Variants in CCDC6 observed in about 807,000 individuals in gnomAD.
CCDC6 encodes the protein coiled-coil domain containing 6, also known as coiled-coil domain-containing protein 6.
In CCDC6, 20 loss-of-function variants were observed where a neutral mutation model predicts 56.6. The ratio of observed to expected loss-of-function variants is 0.35; its 90% confidence interval spans 0.25 to 0.51. The LOEUF is 0.51. CCDC6 is among the 20% of genes least tolerant of loss of function. The pLI is 0.95. For missense variants in CCDC6, 367 were observed against 601.1 expected (o/e 0.61, Z 4.07); for synonymous variants, 241 against 234.4 (o/e 1.03, Z -0.26).
chr10:59,791,533 T>A lies in CCDC6; in HGVS notation c.*1384A>T, dbSNP rs1292239585. The A allele has an allele frequency of 5.1e-6, 1 of 195,280 alleles. No homozygotes were observed. Among genetic ancestry groups the A allele is most frequent in the Non-Finnish European group, 1.1e-5 (1 of 93,722 alleles). 12.1% of individuals were successfully genotyped at this position (195,280 alleles called of 1,614,324 possible). ...GTCACAAAACATGGACTCTTAAAAA[T>A]TACTGATAAATTACTTTTCAGTTCT... On this transcript the variant is annotated 3_prime_UTR_variant, in exon 9 of 9. Coordinates refer to ENST00000263102, the MANE Select transcript of CCDC6 (RefSeq NM_005436.5).
intron 1 of CCDC6, among the ~76,000 whole-genome samples, chr10:59,867,987 GTGTACCACAAACAAGCTGTAC>G (rs1351245684): frequency 6.6e-5 from 10 of 152,290 alleles, no homozygotes; most frequent in African/African-American, 2.4e-4. Context: ...TTTCCCTAAA[GTGTACCACAAACAAGCTGTAC>G]CACCTTGAGC....
chr10:59,862,046 G>A (rs903143256), intron 1 of CCDC6, among the ~76,000 whole-genome samples: 5 of 152,030 alleles, frequency 3.3e-5, no homozygotes, highest in Admixed American at 1.3e-4. Context: ...AGAGAAAATC[G>A]AAGACAAAAG....
chr10:59,845,578 T>G lies in CCDC6; in HGVS notation c.453+6975A>C, dbSNP rs7083218. Among the ~76,000 whole-genome samples the G allele has an allele frequency of 8.4e-3, 1,280 of 152,316 alleles. 17 individuals are homozygous for G. The highest frequency in any genetic ancestry group is 0.029 in the African/African-American group (1,206 of 41,562). On this transcript the variant is annotated intron_variant, in intron 2 of 8. Coordinates refer to ENST00000263102, the MANE Select transcript of CCDC6 (RefSeq NM_005436.5). ...AATTTGGCCACTGGTGGCTGTAGCA[T>G]AAAATGCATTAAAAACAACTCAGTA...
chr10:59,851,075 T>C (rs1479742981), intron 2 of CCDC6, among the ~76,000 whole-genome samples: 1 of 148,598 alleles, frequency 6.7e-6, no homozygotes, highest in Non-Finnish European at 1.5e-5. Context: ...TGGCGAGGTC[T>C]TGACTGTCCT....
At chr10:59,899,382 A>G (rs2071487597) in intron 1 of CCDC6, among the ~76,000 whole-genome samples, 2 of 152,242 alleles carry the variant, frequency 1.3e-5, no homozygotes, top group African/African-American at 4.8e-5. Flanking sequence ...ACTCAGCCTG[A>G]CTGCAGTTCA....
chr10:59,862,516 T>TACACACACACAC (rs60162547), intron 1 of CCDC6, among the ~76,000 whole-genome samples: 3 of 97,204 alleles, frequency 3.1e-5, no homozygotes, highest in Non-Finnish European at 5.7e-5. Flanking sequence ...TATATATATA[T>TACACACACACAC]ACACACACAC....
chr10:59,837,616 T>C (rs147735561), intron 2 of CCDC6, among the ~76,000 whole-genome samples: 2,162 of 151,838 alleles, frequency 0.014, 60 homozygotes, highest in African/African-American at 0.05. Flanking sequence ...CGTGGTGGCA[T>C]GTGCCTGTAG....
At chr10:59,828,896 T>C (rs1195928461) in intron 3 of CCDC6, among the ~76,000 whole-genome samples, 1 of 152,200 alleles carries the variant, frequency 6.6e-6, no homozygotes, top group African/African-American at 2.4e-5. Context: ...GGGAAAAAGG[T>C]AGTCTTCCCA....
chr10:59,891,756 C>A (rs540294999), intron 1 of CCDC6, among the ~76,000 whole-genome samples: 17 of 150,482 alleles, frequency 1.1e-4, no homozygotes, highest in South Asian at 2.1e-4. Context: ...GAAGGGCAGT[C>A]TTGAGCTTAC....
At position 59,792,946 on chromosome 10, in the gene CCDC6, G is replaced by A. The variant is rs762005675; in HGVS notation, c.1396C>T (p.His466Tyr). 6 of 1,611,248 alleles carry A rather than the reference G, an allele frequency of 3.7e-6. No individual in the cohort carries two copies. The South Asian group carries it at 4.4e-5, about 12-fold the overall frequency. ...GGCTGGGAGGAGGGGTGCGCCGAAT[G>A]TTGCGAAGGAGTAGGCTGCGAGGTG... The part of the protein sequence containing the change: ...AATSQPTPSQ[H>Y]SAHPSSQP The change falls in exon 9 of 9, where the codon CAT becomes TAT. Residue 466 changes from histidine to tyrosine, a missense_variant. By Grantham distance (83) the His-to-Tyr change is moderately conservative. Around this residue, in one of 7 missense-constraint regions of CCDC6, gnomAD observed 54 missense variants for 60.0 expected, o/e 0.90. Transcript: ENST00000263102.
At position 59,812,815 on chromosome 10, in the gene CCDC6, T is replaced by C; in HGVS notation, c.687-20A>G. On this transcript the variant is annotated intron_variant, in intron 4 of 8. Coordinates refer to ENST00000263102, the MANE Select transcript of CCDC6 (RefSeq NM_005436.5). ...AGGATTCTTCATTGAAAAGAAAAAT[T>C]CCAACAATGACTAACAGTTTTCCTT... 1 of 1,568,708 alleles carries C rather than the reference T, an allele frequency of 6.4e-7. No homozygotes were observed.
chr10:59,794,798 T>G (rs939597739), intron 7 of CCDC6, among the ~76,000 whole-genome samples: 20 of 151,898 alleles, frequency 1.3e-4, no homozygotes, highest in African/African-American at 4.4e-4. Context: ...AGCCCAGAAA[T>G]AAACTCACAC....
In CCDC6 at chr10:59,906,212, C is replaced by T. The variant is rs1332767006; in HGVS notation, c.213G>A (p.Lys71=). The change falls in exon 1 of 9, where the codon AAG becomes AAA. Residue 71 remains lysine (K), a synonymous_variant. Transcript: ENST00000263102. ...AGGTCTCCAGCTCTATCTTCAGCAC[C>T]TTGTTCTCTTGCTGCAGCGAGGCCA... is the stretch of plus-strand genomic sequence containing the variant. ...NRLASLQQEN[K]VLKIELETYK... 4 of 1,613,668 alleles carry T rather than the reference C, an allele frequency of 2.5e-6. No individual in the cohort carries two copies. Among genetic ancestry groups the T allele is most frequent in the Non-Finnish European group, 3.4e-6 (4 of 1,179,844 alleles).
chr10:59,824,535 C>G (rs1459692829), intron 3 of CCDC6, among the ~76,000 whole-genome samples: 1 of 152,170 alleles, frequency 6.6e-6, no homozygotes, highest in Non-Finnish European at 1.5e-5. Context: ...TAATCAAATT[C>G]CCACCAAGCC....
intron 1 of CCDC6, among the ~76,000 whole-genome samples, chr10:59,895,312 G>A (rs1347842331): frequency 2.0e-5 from 3 of 151,976 alleles, no homozygotes; most frequent in Non-Finnish European, 2.9e-5. Flanking sequence ...AAAGAAAACC[G>A]ACCAAACAAA....
At chr10:59,890,232 C>T (rs943068286) in intron 1 of CCDC6, among the ~76,000 whole-genome samples, 14 of 152,058 alleles carry the variant, frequency 9.2e-5, no homozygotes, top group Non-Finnish European at 2.1e-4. Flanking sequence ...GGCCAAGTAA[C>T]GGCAGATACC....
chr10:59,812,831 A>G, intron 4 of CCDC6, 36 bp from the exon 5 acceptor site: 1 of 1,520,576 alleles, frequency 6.6e-7, no homozygotes. Context: ...AATGACTAAC[A>G]GTTTTCCTTG....
chr10:59,875,296 GTTAT>G (rs1276234949), intron 1 of CCDC6, among the ~76,000 whole-genome samples: 2 of 152,184 alleles, frequency 1.3e-5, no homozygotes, highest in African/African-American at 4.8e-5. Flanking sequence ...CCAAAAAATA[GTTAT>G]TTATCATCAC....
chr10:59,872,785 G>C lies in CCDC6; in HGVS notation c.304-20083C>G, dbSNP rs910315875. ...AAGAGGATAACTTTCCAGATGGGGGGGTGGGGGAAGGTAACAACATTAGAA... is the reference window on the plus strand; with the variant it reads ...AAGAGGATAACTTTCCAGATGGGGGCGTGGGGGAAGGTAACAACATTAGAA... On this transcript the variant is annotated intron_variant, in intron 1 of 8. Transcript: ENST00000263102. 3.4e-4 allele frequency among the ~76,000 whole-genome samples: 37 copies of C among 108,352 alleles called. 1 individual carries two copies. The highest frequency in any genetic ancestry group is 1.4e-3 in the South Asian group (4 of 2,922). 71.1% of individuals were successfully genotyped at this position (108,352 alleles called of 152,430 possible).
Sources: allele counts gnomAD v4.1 joint callset (sites outside exome capture counted in the v4.1 genomes callset), GRCh38; gene constraint gnomAD v4.1.1; regional missense constraint gnomAD v4.1.1; transcripts MANE v1.5; gene names NCBI Gene and HGNC (gene_info 2026-07-23, HGNC 2026-07-21).